PKIB: variants seen among roughly 807,000 people sequenced by gnomAD.
PKIB encodes the protein cAMP-dependent protein kinase inhibitor beta.
PKIB carries 2 observed loss-of-function variants against 4.5 expected under a neutral mutation model. The observed-to-expected ratio is 0.44, with a 90% CI of 0.18 to 1.39. The LOEUF is 1.39. Among genes scored for constraint, PKIB ranks in the 40% most tolerant of loss-of-function variants. The pLI is 0.27. For synonymous variants in PKIB, 38 were observed against 36.0 expected, an observed-to-expected ratio of 1.06 and a Z score of -0.20; for missense variants, 94 against 92.6, an observed-to-expected ratio of 1.02 and a Z score of -0.06.
intron 2 of PKIB, among the ~76,000 whole-genome samples, chr6:122,668,933 G>A (rs544566335): frequency 6.6e-6 from 1 of 152,316 alleles, no homozygotes; most frequent in African/African-American, 2.4e-5. Context: ...ATCAGCCCCT[G>A]GCTGGGTGCG....
At chr6:122,527,564 A>G (rs57581736) in intron 2 of PKIB, among the ~76,000 whole-genome samples, 20,745 of 152,120 alleles carry the variant, frequency 0.14, 1,515 homozygotes, top group African/African-American at 0.18. Context: ...ATAAGGGATT[A>G]ACTGGTCAGC....
chr6:122,701,251 C>G, intron 3 of PKIB: 1 of 500,844 alleles, frequency 2.0e-6, no homozygotes, highest in Non-Finnish European at 3.6e-6. Flanking sequence ...TCCCACAAAC[C>G]TCACACAGGG....
intron 2 of PKIB, among the ~76,000 whole-genome samples, chr6:122,584,820 G>T (rs1467093952): frequency 6.6e-6 from 1 of 152,062 alleles, no homozygotes; most frequent in African/African-American, 2.4e-5. Flanking sequence ...GACGTGGGAT[G>T]CAACTGTGGA....
intron 2 of PKIB, among the ~76,000 whole-genome samples, chr6:122,519,646 G>T (rs1451585703): frequency 6.6e-6 from 1 of 152,246 alleles, no homozygotes; most frequent in African/African-American, 2.4e-5. Flanking sequence ...CTAATAAACA[G>T]CAAAATACAA....
chr6:122,500,199 T>C (rs1428068114), intron 2 of PKIB, among the ~76,000 whole-genome samples: 2 of 152,148 alleles, frequency 1.3e-5, no homozygotes, highest in African/African-American at 4.8e-5. Context: ...CTATTCAGCA[T>C]TGATGTCATT....
intron 2 of PKIB, among the ~76,000 whole-genome samples, chr6:122,521,088 C>T (rs1776929372): frequency 6.6e-6 from 1 of 152,182 alleles, no homozygotes; most frequent in East Asian, 1.9e-4. Context: ...TATCTGTTGA[C>T]CAATGCTGGC....
chr6:122,631,540 C>T (rs2815581), intron 1 of PKIB, among the ~76,000 whole-genome samples: 150,240 of 152,284 alleles, frequency 0.99, 74,136 homozygotes, highest in Middle Eastern at 1. Context: ...GTTTATACTT[C>T]TGCAGATCTT....
intron 3 of PKIB, among the ~76,000 whole-genome samples, chr6:122,712,606 A>G (rs1391963536): frequency 1.3e-5 from 2 of 152,090 alleles, no homozygotes; most frequent in Non-Finnish European, 2.9e-5. Flanking sequence ...TCCAAAATGC[A>G]TGTTTTTACT....
chr6:122,578,596 C>T (rs114494813), intron 2 of PKIB, among the ~76,000 whole-genome samples: 1,753 of 152,264 alleles, frequency 0.012, 38 homozygotes, highest in African/African-American at 0.041. Context: ...CCTTCCTTCC[C>T]ATTTCCGCAG....
At chr6:122,699,332 A>G (rs1006656767) in intron 3 of PKIB, among the ~76,000 whole-genome samples, 1 of 151,930 alleles carries the variant, frequency 6.6e-6, no homozygotes, top group Admixed American at 6.6e-5. Flanking sequence ...GCAAACTGTG[A>G]CTGCTAAACT....
chr6:122,694,424 A>G (rs560884187), intron 3 of PKIB, among the ~76,000 whole-genome samples: 219 of 152,308 alleles, frequency 1.4e-3, no homozygotes, highest in African/African-American at 4.9e-3. Context: ...AACTTGCTTT[A>G]TCTCTCTTGT....
intron 2 of PKIB, among the ~76,000 whole-genome samples, chr6:122,564,455 C>T (rs1015110655): frequency 1.3e-5 from 2 of 152,188 alleles, no homozygotes; most frequent in African/African-American, 4.8e-5. Flanking sequence ...GTTTGTCTGT[C>T]AGTCTTAAAG....
rs1011559922 is a variant in PKIB at position 122,539,021 on chromosome 6, A to T, written c.-247-46900A>T. Among the ~76,000 whole-genome samples the T allele has an allele frequency of 1.5e-4, 23 of 152,188 alleles. No homozygotes were observed. The East Asian group carries it at 3.9e-3, about 26-fold the overall frequency. ...GTATAAGAATGCTTCTGATTTTTGT[A>T]CATTGATTTTGTATCCTGAGACTTT... is the stretch of plus-strand genomic sequence containing the variant. On this transcript the variant is annotated intron_variant, in intron 2 of 6. Transcript: ENST00000392491.
chr6:122,572,194 CAAAG>C (rs1187682719), intron 2 of PKIB, among the ~76,000 whole-genome samples: 3 of 151,964 alleles, frequency 2.0e-5, no homozygotes, highest in Non-Finnish European at 4.4e-5. Flanking sequence ...TAAAAAAAGA[CAAAG>C]AAGGACATTA....
intron 2 of PKIB, among the ~76,000 whole-genome samples, chr6:122,574,928 C>A (rs1349807537): frequency 6.6e-6 from 1 of 152,048 alleles, no homozygotes; most frequent in East Asian, 1.9e-4. Flanking sequence ...AGCTTCTGCA[C>A]AGCAAAAGAA....
chr6:122,674,265 T>G (rs17084698), intron 2 of PKIB, among the ~76,000 whole-genome samples: 8,545 of 152,248 alleles, frequency 0.056, 259 homozygotes, highest in East Asian at 0.13. Context: ...TAATTCTACC[T>G]GACACCTGTG....
At chr6:122,658,380 T>C (rs1776855243) in intron 2 of PKIB, among the ~76,000 whole-genome samples, 1 of 152,200 alleles carries the variant, frequency 6.6e-6, no homozygotes, top group South Asian at 2.1e-4. Context: ...AATTATTGGC[T>C]ACATCTTACT....
At chr6:122,562,967 T>G (rs1170332345) in intron 2 of PKIB, among the ~76,000 whole-genome samples, 2 of 152,148 alleles carry the variant, frequency 1.3e-5, no homozygotes, top group Non-Finnish European at 2.9e-5. Flanking sequence ...TTCAGGTAAA[T>G]CAAGGATTTC....
At position 122,683,289 on chromosome 6, in the gene PKIB, C is replaced by T. The variant is rs183542266; in HGVS notation, c.-9+8145C>T. 1.3e-5 allele frequency among the ~76,000 whole-genome samples: 2 copies of T among 152,160 alleles called. 1 individual carries two copies. The highest frequency in any genetic ancestry group is 3.9e-4 in the East Asian group (2 of 5,154). ...GCATCTACTTGGCTTCTAAAGAGGC[C>T]TCAGGAATCTTCCAATCATGGTAGA... On this transcript the variant is annotated intron_variant, in intron 3 of 4. Transcript: ENST00000368452.
Sources: gnomAD v4.1 joint callset for allele counts (sites outside exome capture counted in the v4.1 genomes callset) on GRCh38, gnomAD v4.1.1 for gene constraint, MANE v1.5 for transcripts, NCBI Gene and HGNC (gene_info 2026-07-23, HGNC 2026-07-21) for gene names.